Variants in ZNF521 observed in about 807,000 individuals in gnomAD.
The protein encoded by ZNF521 is zinc finger protein 521.
Under a neutral mutation model 105.5 loss-of-function variants are expected in ZNF521, and 14 were observed. The observed-to-expected ratio is 0.13, with a 90% CI of 0.09 to 0.21. The LOEUF is 0.21. Among genes scored for constraint, ZNF521 ranks in the 10% least tolerant of loss-of-function variants. The pLI, the probability that ZNF521 is intolerant of heterozygous loss-of-function variation, is 1.00. For missense variants in ZNF521, 1,233 were observed against 1,629.7 expected (o/e 0.76, Z 4.19); for synonymous variants, 635 against 606.0 (o/e 1.05, Z -0.70).
intron 5 of ZNF521, among the ~76,000 whole-genome samples, chr18:25,145,082 C>T (rs1021089638): frequency 2.6e-5 from 4 of 152,184 alleles, no homozygotes; most frequent in Non-Finnish European, 5.9e-5. Context: ...AAAAAACTAT[C>T]TCTGTAGCCC....
chr18:25,333,314 C>CTA (rs67351091), intron 2 of ZNF521, among the ~76,000 whole-genome samples: 100 of 145,766 alleles, frequency 6.9e-4, no homozygotes, highest in African/African-American at 1.8e-3. Flanking sequence ...CTCTCTCTCT[C>CTA]TATATATATA....
chr18:25,303,880 T>A (rs1911810011), intron 3 of ZNF521, among the ~76,000 whole-genome samples: 1 of 152,236 alleles, frequency 6.6e-6, no homozygotes, highest in African/African-American at 2.4e-5. Flanking sequence ...GCCATGTCAA[T>A]ACAGAAATAG....
intron 4 of ZNF521, among the ~76,000 whole-genome samples, chr18:25,208,036 ATTT>A (rs139204377): frequency 6.6e-6 from 1 of 151,722 alleles, no homozygotes; most frequent in African/African-American, 2.4e-5. Context: ...AAGCACCGTG[ATTT>A]TTTTTTAATT....
At chr18:25,137,617 T>C (rs2034760976) in intron 5 of ZNF521, among the ~76,000 whole-genome samples, 1 of 151,996 alleles carries the variant, frequency 6.6e-6, no homozygotes, top group Non-Finnish European at 1.5e-5. Context: ...ATCAAGTCCG[T>C]CTTCTTCATT....
At chr18:25,213,286 T>C (rs1030664526) in intron 4 of ZNF521, among the ~76,000 whole-genome samples, 1 of 150,284 alleles carries the variant, frequency 6.7e-6, no homozygotes, top group Non-Finnish European at 1.5e-5. Flanking sequence ...TTGCTTAAGA[T>C]AATATTTTAA....
Position 25,226,728 on chromosome 18 carries a change from G to A in ZNF521, c.1190C>T (p.Ser397Leu), listed in dbSNP as rs553401367. ...GTAGGTAACTTTTGCTTGTTTACTC[G>A]AGGGACCAGTCATGTCAGGGGTTTG... ...AQQTPDMTGPSSKQAKVTYSC... is the reference protein window; with the variant it reads ...AQQTPDMTGPLSKQAKVTYSC... Residue 397 changes from serine to leucine, a missense_variant, in exon 4 of 8, where the codon TCG (serine) becomes TTG (leucine). Ser to Leu is a moderately radical substitution (Grantham distance 145). This residue lies in a region of ZNF521 where 380 missense variants were observed against 478.0 expected (regional missense o/e 0.80). Coordinates refer to ENST00000361524, the MANE Select transcript of ZNF521 (RefSeq NM_015461.3). This position sits in a 1 kb window ranked among gnomAD's most constrained non-coding sequence, Gnocchi z 4.1. The A allele has an allele frequency of 1.2e-4, 197 of 1,614,054 alleles. No individual in the cohort carries two copies. The South Asian group carries it at 1.8e-3, about 15-fold the overall frequency.
chr18:25,263,420 C>G (rs1011024263), intron 3 of ZNF521, among the ~76,000 whole-genome samples: 3 of 152,020 alleles, frequency 2.0e-5, no homozygotes, highest in African/African-American at 7.2e-5. Flanking sequence ...TGCAGTGGCA[C>G]GATCTTGGCT....
intron 7 of ZNF521, among the ~76,000 whole-genome samples, chr18:25,084,932 G>A (rs2033587434): frequency 6.6e-6 from 1 of 152,136 alleles, no homozygotes; most frequent in African/African-American, 2.4e-5. Flanking sequence ...TGCATTGTAG[G>A]ATATTATTCT....
At chr18:25,076,681 C>T (rs1443331108) in intron 7 of ZNF521, among the ~76,000 whole-genome samples, 1 of 152,116 alleles carries the variant, frequency 6.6e-6, no homozygotes, top group Non-Finnish European at 1.5e-5. Flanking sequence ...GTGGAGTTGG[C>T]AATTGCATGA....
intron 2 of ZNF521, among the ~76,000 whole-genome samples, chr18:25,349,436 T>TTG (rs1161648340): frequency 6.6e-6 from 1 of 152,226 alleles, no homozygotes; most frequent in African/African-American, 2.4e-5. Context: ...ATGCCAATGA[T>TTG]TCACCTCGTT....
At position 25,227,834 on chromosome 18, in the gene ZNF521, T is replaced by A; in HGVS notation, c.221-137A>T. ...AAAAACAAAATGAAAAGAGAGAATA[T>A]TTGAGTGAGACATTTTCAAATCTGA... On this transcript the variant is annotated intron_variant, in intron 3 of 7. Coordinates refer to ENST00000361524, the MANE Select transcript of ZNF521 (RefSeq NM_015461.3). The surrounding 1 kb of genome is among the most constrained non-coding windows in gnomAD (Gnocchi z 5.7). The A allele has an allele frequency of 1.4e-6, 1 of 712,012 alleles. No homozygotes were observed. Among genetic ancestry groups the A allele is most frequent in the Non-Finnish European group, 2.3e-6 (1 of 440,970 alleles). The allele number at this position is 712,012 out of a possible 1,614,324, so 44.1% of individuals were successfully genotyped here.
At chr18:25,281,472 T>C (rs1199049616) in intron 3 of ZNF521, among the ~76,000 whole-genome samples, 2 of 152,200 alleles carry the variant, frequency 1.3e-5, no homozygotes, top group South Asian at 4.1e-4. Flanking sequence ...GTGCTGGAAA[T>C]GTAGACTGTG....
intron 5 of ZNF521, among the ~76,000 whole-genome samples, chr18:25,191,636 G>A (rs1191977566): frequency 6.6e-6 from 1 of 152,138 alleles, no homozygotes; most frequent in Non-Finnish European, 1.5e-5. Context: ...AGAATTATCA[G>A]AGTGAAAAAA....
chr18:25,183,473 A>C (rs2035667497), intron 5 of ZNF521, among the ~76,000 whole-genome samples: 1 of 152,170 alleles, frequency 6.6e-6, no homozygotes, highest in South Asian at 2.1e-4. Flanking sequence ...AGTAGGTGTG[A>C]ATCTGTTGAA....
chr18:25,089,453 T>G lies in ZNF521; in HGVS notation c.3906+12A>C. The G allele has an allele frequency of 1.7e-5, 27 of 1,583,848 alleles. No individual in the cohort carries two copies. Among genetic ancestry groups the G allele is most frequent in the Middle Eastern group, 1.7e-4 (1 of 6,006 alleles). ...CTGAGTTCAATCCCAGTCCTCCCCA[T>G]GAGGACATTACCTGCAGCTCTGTTT... On this transcript the variant is annotated intron_variant, in intron 7 of 7. Transcript: ENST00000361524.
chr18:25,259,963 G>C (rs1307883991), intron 3 of ZNF521, among the ~76,000 whole-genome samples: 1 of 152,192 alleles, frequency 6.6e-6, no homozygotes, highest in Non-Finnish European at 1.5e-5. Flanking sequence ...AGAGCAAGTG[G>C]GGCTACCAGA....
intron 2 of ZNF521, among the ~76,000 whole-genome samples, chr18:25,349,197 G>A (rs1275872306): frequency 2.0e-5 from 3 of 152,134 alleles, no homozygotes; most frequent in South Asian, 2.1e-4. Context: ...TGACTAGGAA[G>A]AGGTTTGTCC....
intron 3 of ZNF521, among the ~76,000 whole-genome samples, chr18:25,316,985 G>A (rs1392939156): frequency 1.3e-5 from 2 of 151,592 alleles, no homozygotes; most frequent in Non-Finnish European, 2.9e-5. Context: ...CTCCAAAGTA[G>A]CTGTGACTAC....
At chr18:25,247,202 G>GTTT (rs1907786171) in intron 3 of ZNF521, among the ~76,000 whole-genome samples, 1 of 152,164 alleles carries the variant, frequency 6.6e-6, no homozygotes, top group African/African-American at 2.4e-5. Flanking sequence ...AGGCACACAT[G>GTTT]TAAACATATG....
Sources: gnomAD v4.1 joint callset for allele counts (sites outside exome capture counted in the v4.1 genomes callset) on GRCh38, gnomAD v4.1.1 for gene constraint, gnomAD v4.1.1 regional missense constraint, Gnocchi (gnomAD v3.1) non-coding constraint, MANE v1.5 for transcripts, NCBI Gene and HGNC (gene_info 2026-07-23, HGNC 2026-07-21) for gene names.